The following KIF24 variants were observed in gnomAD, a reference collection of about 807,000 sequenced individuals.
KIF24 encodes the protein kinesin family member 24.
Under a neutral mutation model 118.9 loss-of-function variants are expected in KIF24, and 81 were observed. The observed-to-expected ratio is 0.68, with a 90% CI of 0.57 to 0.82. The LOEUF (loss-of-function observed/expected upper bound fraction) is 0.82, where lower values mean the gene tolerates loss of function less well. Among genes scored for constraint, KIF24 ranks in the 40% least tolerant of loss-of-function variants. The probability of loss-of-function intolerance (pLI) is 0.00; values close to 1 mark genes in which losing one functional copy is unlikely to be tolerated. For missense variants in KIF24, 1,560 were observed against 1,661.6 expected, an observed-to-expected ratio of 0.94 and a Z score of 1.06; for synonymous variants, 599 against 610.0, an observed-to-expected ratio of 0.98 and a Z score of 0.27.
chr9:34,327,343 G>C (rs954213024), intron 1 of KIF24, among the ~76,000 whole-genome samples: 2 of 151,074 alleles, frequency 1.3e-5, no homozygotes, highest in African/African-American at 4.9e-5. Flanking sequence ...CTCACTTTAC[G>C]ACAAAAGAGC....
At chr9:34,283,861 C>G (rs1330758834) in intron 6 of KIF24, among the ~76,000 whole-genome samples, 1 of 152,178 alleles carries the variant, frequency 6.6e-6, no homozygotes, top group African/African-American at 2.4e-5. Context: ...ACACTCCAGA[C>G]TGGCAAAAAT....
At chr9:34,321,035 A>C (rs960861720) in intron 1 of KIF24, among the ~76,000 whole-genome samples, 3 of 152,202 alleles carry the variant, frequency 2.0e-5, no homozygotes, top group Admixed American at 2.0e-4. Flanking sequence ...AATTATTGAC[A>C]TGTCACTAGA....
chr9:34,312,758 G>A (rs1350580974), intron 1 of KIF24, among the ~76,000 whole-genome samples: 1 of 152,154 alleles, frequency 6.6e-6, no homozygotes, highest in Non-Finnish European at 1.5e-5. Flanking sequence ...GAGTGCAGTG[G>A]TGGTATCTTG....
chr9:34,329,112 C>G lies in KIF24; in HGVS notation c.-32G>C, dbSNP rs7875342. ...TCTCCCCGCCCTTTCTCACCTCGGT[C>G]CAAACTCCTCGGTCTGCCCTGTCTG... On this transcript the variant is annotated 5_prime_UTR_variant, in exon 1 of 13. Transcript: ENST00000402558. Among the ~76,000 whole-genome samples, 34,462 of 152,160 alleles carry G rather than the reference C, an allele frequency of 0.23. 4,586 individuals are homozygous for G. Among genetic ancestry groups the G allele is most frequent in the East Asian group, 0.61 (3,148 of 5,144 alleles).
intron 1 of KIF24, among the ~76,000 whole-genome samples, chr9:34,316,629 C>G (rs1355682335): frequency 6.6e-6 from 1 of 152,238 alleles, no homozygotes; most frequent in Non-Finnish European, 1.5e-5. Flanking sequence ...CACATCCATA[C>G]TACTTTGATG....
intron 1 of KIF24, among the ~76,000 whole-genome samples, chr9:34,323,286 G>A (rs1472723835): frequency 2.6e-5 from 4 of 152,216 alleles, no homozygotes; most frequent in Middle Eastern, 3.4e-3. Context: ...GTTTGTTTAT[G>A]GTTAAGTAGC....
chr9:34,271,325 C>CA (rs58895274), intron 7 of KIF24, among the ~76,000 whole-genome samples: 1,412 of 107,260 alleles, frequency 0.013, 28 homozygotes, highest in African/African-American at 0.057. Flanking sequence ...AGCAATCCAG[C>CA]AAAAAAAAAA....
chr9:34,287,365 C>A (rs530831352), intron 5 of KIF24, among the ~76,000 whole-genome samples: 1 of 152,220 alleles, frequency 6.6e-6, no homozygotes, highest in African/African-American at 2.4e-5. Context: ...TGTAAAGAGA[C>A]CTGATACATC....
chr9:34,331,390 C>A (rs992005588), upstream of KIF24, among the ~76,000 whole-genome samples: 6 of 152,236 alleles, frequency 3.9e-5, no homozygotes, highest in African/African-American at 1.4e-4. Flanking sequence ...GTGTTAACTT[C>A]ATTTTACAAA....
intron 1 of KIF24, among the ~76,000 whole-genome samples, chr9:34,322,685 C>T (rs192093412): frequency 2.5e-4 from 38 of 152,248 alleles, no homozygotes; most frequent in East Asian, 1.5e-3. Context: ...GAAACTCCAT[C>T]TCTACAAAAA....
intron 6 of KIF24, among the ~76,000 whole-genome samples, chr9:34,277,897 G>A (rs1459456398): frequency 6.6e-6 from 1 of 152,168 alleles, no homozygotes; most frequent in African/African-American, 2.4e-5. Flanking sequence ...AGGTTGCCAG[G>A]GTTCACATGC....
intron 1 of KIF24, among the ~76,000 whole-genome samples, chr9:34,312,152 T>C (rs964995325): frequency 6.6e-5 from 10 of 152,178 alleles, no homozygotes; most frequent in South Asian, 2.1e-4. Context: ...AAAGACATCA[T>C]CAATTCAGCA....
At position 34,297,006 on chromosome 9, in the gene KIF24, C is replaced by A; in HGVS notation, c.911+11G>T. The stretch of plus-strand genomic sequence containing the variant: ...ATAAAAAGCAAAAAAAGCAAATAAT[C>A]ATTATCGTACCCATTGAAAATATGC... On this transcript the variant is annotated intron_variant, in intron 4 of 12. Coordinates refer to ENST00000402558, the MANE Select transcript of KIF24 (RefSeq NM_194313.4). The A allele has an allele frequency of 7.3e-7, 1 of 1,376,424 alleles. No individual in the cohort carries two copies. The highest frequency in any genetic ancestry group is 2.4e-5 in the East Asian group (1 of 42,044). 85.3% of individuals were successfully genotyped at this position (1,376,424 alleles called of 1,614,324 possible).
chr9:34,268,410 C>T (rs971408476), intron 8 of KIF24, among the ~76,000 whole-genome samples: 1 of 152,134 alleles, frequency 6.6e-6, no homozygotes, highest in African/African-American at 2.4e-5. Context: ...CCTGCCTCGG[C>T]CTCCAAAAGT....
At chr9:34,308,424 C>T (rs1481507986) in intron 2 of KIF24, among the ~76,000 whole-genome samples, 1 of 152,032 alleles carries the variant, frequency 6.6e-6, no homozygotes, top group Admixed American at 6.6e-5. Flanking sequence ...GCTGGGACTG[C>T]AGGCACCTGC....
intron 1 of KIF24, among the ~76,000 whole-genome samples, chr9:34,322,057 AT>A (rs959319202): frequency 3.3e-5 from 5 of 151,726 alleles, no homozygotes; most frequent in African/African-American, 7.3e-5. Context: ...AAGTGTTTAA[AT>A]TTTTTTTTAA....
chr9:34,262,710 ATATG>A (rs1310865766), intron 9 of KIF24, among the ~76,000 whole-genome samples: 918 of 52,456 alleles, frequency 0.018, 42 homozygotes, highest in East Asian at 0.058. Flanking sequence ...ATATATATAT[ATATG>A]GCCAGGCATG....
At chr9:34,316,176 C>T (rs755967165) in intron 1 of KIF24, among the ~76,000 whole-genome samples, 5 of 151,028 alleles carry the variant, frequency 3.3e-5, no homozygotes, top group African/African-American at 7.3e-5. Flanking sequence ...ATGGTGAAAC[C>T]GTCTCTACTA....
At chr9:34,329,597 C>G (rs1563970252), upstream of KIF24, 1 of 152,264 alleles carries the variant, frequency 6.6e-6, no homozygotes, top group Non-Finnish European at 1.5e-5. Context: ...CCTTCTGCTT[C>G]GGGTGAGTAC....
Sources: gnomAD v4.1 joint callset for allele counts (sites outside exome capture counted in the v4.1 genomes callset) on GRCh38, gnomAD v4.1.1 for gene constraint, MANE v1.5 for transcripts, NCBI Gene and HGNC (gene_info 2026-07-23, HGNC 2026-07-21) for gene names.